TAX1BP1: variants seen among roughly 807,000 people sequenced by gnomAD.
TAX1BP1 encodes tax1-binding protein 1.
Under a neutral mutation model 97.7 loss-of-function variants are expected in TAX1BP1, and 62 were observed. That is an observed-to-expected ratio of 0.63 (90% CI 0.52 to 0.78). TAX1BP1 has a LOEUF of 0.78. TAX1BP1 is among the 30% of genes least tolerant of loss of function. The pLI is 0.00. For synonymous variants in TAX1BP1, 340 were observed against 304.2 expected (o/e 1.12, Z -1.23); for missense variants, 867 against 916.1 (o/e 0.95, Z 0.69).
At chr7:27,797,641 A>ATT (rs565011436) in intron 12 of TAX1BP1, among the ~76,000 whole-genome samples, 3 of 148,032 alleles carry the variant, frequency 2.0e-5, no homozygotes, top group Non-Finnish European at 3.0e-5. Context: ...GTTAAAATGA[A>ATT]TTTTTTTTTT....
At position 27,787,593 on chromosome 7, in the gene TAX1BP1, C is replaced by A. The variant is rs1452947430; in HGVS notation, c.1028C>A (p.Thr343Asn). The A allele has an allele frequency of 6.2e-7, 1 of 1,607,028 alleles. No homozygotes were observed. Among genetic ancestry groups the A allele is most frequent in the Non-Finnish European group, 8.5e-7 (1 of 1,177,376 alleles). Residue 343 changes from threonine (T) to asparagine (N), a missense_variant, in exon 8 of 17, where the codon ACC (threonine) becomes AAC (asparagine). Physicochemically the swap from Thr to Asn is moderately conservative, Grantham distance 65 (BLOSUM62 0). Around this residue, in one of 3 missense-constraint regions of TAX1BP1, gnomAD observed 822 missense variants for 851.4 expected, o/e 0.97. Coordinates refer to ENST00000396319, the MANE Select transcript of TAX1BP1 (RefSeq NM_006024.7). Reference sequence around the variant, plus strand: ...CTGCAAAGAACTTTCCTGCTTACAACCTCAAGTAAAGTAAGTACTTTTGCT... The same window carrying A: ...CTGCAAAGAACTTTCCTGCTTACAAACTCAAGTAAAGTAAGTACTTTTGCT... ...ENLQRTFLLT[T>N]SSKEDTCFLK...
At chr7:27,780,994 T>A (rs1456529351) in intron 5 of TAX1BP1, among the ~76,000 whole-genome samples, 1 of 152,168 alleles carries the variant, frequency 6.6e-6, no homozygotes, top group Non-Finnish European at 1.5e-5. Flanking sequence ...TAAATTTTTT[T>A]ACTTATTCCC....
At chr7:27,795,487 C>T (rs931581404) in intron 11 of TAX1BP1, among the ~76,000 whole-genome samples, 1 of 151,920 alleles carries the variant, frequency 6.6e-6, no homozygotes, top group Admixed American at 6.6e-5. Context: ...TTCCTACTTA[C>T]CCTGTCTATT....
chr7:27,775,442 C>T (rs1000617285), intron 5 of TAX1BP1, among the ~76,000 whole-genome samples: 1 of 152,104 alleles, frequency 6.6e-6, no homozygotes, highest in Admixed American at 6.6e-5. Flanking sequence ...GTTGCGGGAA[C>T]TTAAGTCAAA....
At position 27,792,331 on chromosome 7, in the gene TAX1BP1, C is replaced by G. The variant is rs1031551691; in HGVS notation, c.1263+101C>G. The G allele has an allele frequency of 4.6e-6, 5 of 1,092,654 alleles. No homozygotes were observed. In the Admixed American group the frequency reaches 1.1e-4, roughly 24 times the overall value. The allele number at this position is 1,092,654 out of a possible 1,614,324, so 67.7% of individuals were successfully genotyped here. On this transcript the variant is annotated intron_variant, in intron 9 of 16. Transcript: ENST00000396319. ...AAGATAAGACAGGTCAGATTTCTGC[C>G]TTATTTTAAATTTAAAATTTTCATT...
At chr7:27,780,829 A>G (rs955309379) in intron 5 of TAX1BP1, among the ~76,000 whole-genome samples, 2 of 152,092 alleles carry the variant, frequency 1.3e-5, no homozygotes, top group African/African-American at 2.4e-5. Flanking sequence ...TATTTCTACA[A>G]TATATTTATA....
chr7:27,744,188 G>C (rs1044782975), intron 1 of TAX1BP1, among the ~76,000 whole-genome samples: 17 of 152,124 alleles, frequency 1.1e-4, no homozygotes, highest in Non-Finnish European at 2.1e-4. Flanking sequence ...GCAATGGCGT[G>C]ATCTCAGCTC....
intron 3 of TAX1BP1, among the ~76,000 whole-genome samples, chr7:27,761,544 A>G (rs985568188): frequency 1.3e-5 from 2 of 152,122 alleles, no homozygotes; most frequent in Non-Finnish European, 2.9e-5. Flanking sequence ...CTGTCCCCAC[A>G]GTTTTGCCGT....
intron 2 of TAX1BP1, among the ~76,000 whole-genome samples, chr7:27,754,539 T>A (rs1039410063): frequency 9.9e-5 from 15 of 151,800 alleles, no homozygotes; most frequent in African/African-American, 3.6e-4. Context: ...CTTGTTTTAT[T>A]AATGGAAGGA....
chr7:27,741,941 G>A (rs912792326), intron 1 of TAX1BP1, among the ~76,000 whole-genome samples: 2 of 152,132 alleles, frequency 1.3e-5, no homozygotes, highest in Admixed American at 6.5e-5. Flanking sequence ...TCATAGACAA[G>A]GTAAAGAATC....
chr7:27,748,471 T>G, intron 1 of TAX1BP1, 47 bp from the exon 2 acceptor site: 2 of 1,358,322 alleles, frequency 1.5e-6, no homozygotes, highest in Non-Finnish European at 2.0e-6. Flanking sequence ...AGGCATAAGT[T>G]TATTCTTAGT....
Position 27,796,229 on chromosome 7 carries a change from C to A in TAX1BP1, c.1638+10C>A. 1 of 1,541,488 alleles carries A rather than the reference C, an allele frequency of 6.5e-7. No individual in the cohort carries two copies. The highest frequency in any genetic ancestry group is 8.8e-7 in the Non-Finnish European group (1 of 1,140,820). Reference sequence around the variant, plus strand: ...TAAACAACTCTTGCAGGTAAGTTAACTACCTTGTAAGTGAAAGAGATTTAT... The same window carrying A: ...TAAACAACTCTTGCAGGTAAGTTAAATACCTTGTAAGTGAAAGAGATTTAT... On this transcript the variant is annotated intron_variant, in intron 12 of 16. Coordinates refer to ENST00000396319, the MANE Select transcript of TAX1BP1 (RefSeq NM_006024.7).
rs374997860 is a variant in TAX1BP1 at position 27,784,517 on chromosome 7, A to T, written c.613-646A>T. 3.2e-3 allele frequency among the ~76,000 whole-genome samples: 493 copies of T among 152,318 alleles called. 6 individuals are homozygous for T. The highest frequency in any genetic ancestry group is 0.031 in the Middle Eastern group (9 of 294). ...GCTTTAGGCATATGTTAGTGCTTTGATGGCAGTTAGTGACCTGTGCTAGAA... is the reference window on the plus strand; with the variant it reads ...GCTTTAGGCATATGTTAGTGCTTTGTTGGCAGTTAGTGACCTGTGCTAGAA... On this transcript the variant is annotated intron_variant, in intron 5 of 16. Transcript: ENST00000396319.
chr7:27,776,564 A>C (rs1789039327), intron 5 of TAX1BP1, among the ~76,000 whole-genome samples: 1 of 151,876 alleles, frequency 6.6e-6, no homozygotes, highest in African/African-American at 2.4e-5. Flanking sequence ...TACTATTTTT[A>C]AGATTTACTC....
chr7:27,828,223 G>C (rs1791259411), intron 16 of TAX1BP1, among the ~76,000 whole-genome samples: 1 of 152,178 alleles, frequency 6.6e-6, no homozygotes, highest in Non-Finnish European at 1.5e-5. Context: ...ACAAGCATTT[G>C]AGAACCAGTG....
intron 15 of TAX1BP1, among the ~76,000 whole-genome samples, chr7:27,826,623 G>T (rs1336416143): frequency 6.6e-6 from 1 of 152,182 alleles, no homozygotes; most frequent in Non-Finnish European, 1.5e-5. Context: ...CAATTTAGAT[G>T]ATGTGCCTGG....
At chr7:27,800,845 C>T (rs990713215) in intron 13 of TAX1BP1, among the ~76,000 whole-genome samples, 5 of 152,224 alleles carry the variant, frequency 3.3e-5, no homozygotes, top group Admixed American at 6.5e-5. Context: ...TGGCTCACGC[C>T]GGTAATCCCA....
chr7:27,799,719 A>G (rs928867925), intron 12 of TAX1BP1, among the ~76,000 whole-genome samples: 2 of 152,160 alleles, frequency 1.3e-5, no homozygotes, highest in South Asian at 2.1e-4. Context: ...TTTTCAATTA[A>G]TGTATCTTAA....
intron 5 of TAX1BP1, among the ~76,000 whole-genome samples, chr7:27,778,341 T>A (rs1200461064): frequency 6.6e-6 from 1 of 152,170 alleles, no homozygotes; most frequent in Admixed American, 6.5e-5. Flanking sequence ...GCCTGGTAAC[T>A]GTCGGTGGTC....
Sources: gnomAD v4.1 joint callset for allele counts (sites outside exome capture counted in the v4.1 genomes callset) on GRCh38, gnomAD v4.1.1 for gene constraint, gnomAD v4.1.1 regional missense constraint, MANE v1.5 for transcripts, NCBI Gene and HGNC (gene_info 2026-07-23, HGNC 2026-07-21) for gene names.